DLG2: variants seen among roughly 807,000 people sequenced by gnomAD.
DLG2 encodes the protein disks large homolog 2.
Under a neutral mutation model 132.5 loss-of-function variants are expected in DLG2, and 45 were observed. The observed-to-expected ratio is 0.34, with a 90% CI of 0.27 to 0.44. The LOEUF is 0.44. Among genes scored for constraint, DLG2 ranks in the 20% least tolerant of loss-of-function variants. The pLI is 1.00. For synonymous variants in DLG2, 424 were observed against 419.6 expected (o/e 1.01, Z -0.13); for missense variants, 1,045 against 1,196.9 (o/e 0.87, Z 1.87).
At chr11:84,418,617 C>T (rs2098937957) in intron 7 of DLG2, among the ~76,000 whole-genome samples, 1 of 152,058 alleles carries the variant, frequency 6.6e-6, no homozygotes, top group Non-Finnish European at 1.5e-5. Flanking sequence ...TTAGTTATAC[C>T]ATGTCTACCT....
At chr11:84,880,580 G>A (rs2087155681) in intron 6 of DLG2, among the ~76,000 whole-genome samples, 2 of 152,102 alleles carry the variant, frequency 1.3e-5, no homozygotes, top group Non-Finnish European at 2.9e-5. Flanking sequence ...TACAGATGAT[G>A]AAGATTCTTT....
chr11:84,492,741 C>A (rs994958114), intron 7 of DLG2, among the ~76,000 whole-genome samples: 2 of 152,040 alleles, frequency 1.3e-5, no homozygotes, highest in Non-Finnish European at 2.9e-5. Context: ...ATTATTATGT[C>A]ATCTTTATGA....
At chr11:85,389,953 G>A (rs1770190088) in intron 3 of DLG2, among the ~76,000 whole-genome samples, 1 of 151,468 alleles carries the variant, frequency 6.6e-6, no homozygotes, top group African/African-American at 2.4e-5. Context: ...ACAACACAAT[G>A]AAAAAAGTAC....
intron 3 of DLG2, among the ~76,000 whole-genome samples, chr11:85,528,907 C>A (rs911779156): frequency 6.6e-6 from 1 of 152,066 alleles, no homozygotes; most frequent in Non-Finnish European, 1.5e-5. Flanking sequence ...CAGAGGTGTG[C>A]CTATACAACA....
intron 6 of DLG2, among the ~76,000 whole-genome samples, chr11:84,894,729 G>A (rs761038547): frequency 2.6e-5 from 4 of 152,128 alleles, no homozygotes; most frequent in Non-Finnish European, 5.9e-5. Flanking sequence ...CATGGATCAG[G>A]CAAGGATCAC....
At chr11:84,206,860 CCAAATCTAAAACAAA>C (rs1282080963) in intron 8 of DLG2, among the ~76,000 whole-genome samples, 1 of 151,840 alleles carries the variant, frequency 6.6e-6, no homozygotes, top group African/African-American at 2.4e-5. Context: ...GAAACCTCCC[CCAAATCTAAAACAAA>C]CAAATACCAA....
intron 21 of DLG2, among the ~76,000 whole-genome samples, chr11:83,513,780 T>C (rs540151173): frequency 2.0e-5 from 3 of 152,238 alleles, no homozygotes; most frequent in Non-Finnish European, 4.4e-5. Context: ...ATTTATTAAA[T>C]AGGGAATCCT....
intron 6 of DLG2, among the ~76,000 whole-genome samples, chr11:85,079,022 A>AGG (rs11321504): frequency 6.7e-6 from 1 of 150,044 alleles, no homozygotes; most frequent in African/African-American, 2.5e-5. Context: ...TATGTGTTTT[A>AGG]GGGGGGGGGT....
intron 6 of DLG2, among the ~76,000 whole-genome samples, chr11:84,828,068 T>C (rs746720798): frequency 6.6e-6 from 1 of 151,814 alleles, no homozygotes. Context: ...ACTTTTGACA[T>C]GGCGGTGGAA....
intron 6 of DLG2, among the ~76,000 whole-genome samples, chr11:84,940,070 C>G (rs539653485): frequency 6.6e-6 from 1 of 152,326 alleles, no homozygotes; most frequent in East Asian, 1.9e-4. Flanking sequence ...CTTTTCTTCA[C>G]ATCCTTGCCA....
chr11:84,442,706 A>AAAAGAAAGAAAGAAAGAAAG (rs56224511), intron 7 of DLG2, among the ~76,000 whole-genome samples: 62 of 148,980 alleles, frequency 4.2e-4, no homozygotes, highest in African/African-American at 1.5e-3. Flanking sequence ...TAATTAAAAA[A>AAAAGAAAGAAAGAAAGAAAG]AAAGAAAGAA....
At chr11:84,577,332 T>C (rs192308595) in intron 6 of DLG2, among the ~76,000 whole-genome samples, 7 of 152,022 alleles carry the variant, frequency 4.6e-5, no homozygotes, top group African/African-American at 1.7e-4. Context: ...CAGGCAGAGG[T>C]TGGAACAGTT....
chr11:84,101,978 A>G (rs1487144521), intron 9 of DLG2, among the ~76,000 whole-genome samples: 1 of 152,162 alleles, frequency 6.6e-6, no homozygotes, highest in African/African-American at 2.4e-5. Flanking sequence ...CAATGAAGTG[A>G]ACTGCAGGCT....
chr11:85,453,833 T>G (rs1310415229), intron 3 of DLG2: 1 of 152,144 alleles, frequency 6.6e-6, no homozygotes, highest in Admixed American at 6.6e-5. Context: ...AATTGTTGTA[T>G]AGGTAAACTG....
At chr11:84,083,105 C>A (rs1036944915) in intron 10 of DLG2, among the ~76,000 whole-genome samples, 3 of 151,994 alleles carry the variant, frequency 2.0e-5, no homozygotes, top group Non-Finnish European at 4.4e-5. Flanking sequence ...CATGGTAAAA[C>A]CCCATCTCTA....
intron 9 of DLG2, among the ~76,000 whole-genome samples, chr11:84,131,667 CA>C (rs1479674193): frequency 6.6e-6 from 1 of 151,752 alleles, no homozygotes; most frequent in African/African-American, 2.4e-5. Flanking sequence ...GTTGTAATCA[CA>C]ATGGGCCTTA....
rs1424608018 is a variant in DLG2 at position 84,094,288 on chromosome 11, G to C, written c.749+4635C>G. 2.0e-5 allele frequency among the ~76,000 whole-genome samples: 3 copies of C among 152,076 alleles called. No individual in the cohort carries two copies. The East Asian group carries it at 5.8e-4, about 29-fold the overall frequency. ...TTGAGTCATTTAACACTTTAAATGA[G>C]CTAATGTGCCAGAAAATGACTTGGC... On this transcript the variant is annotated intron_variant, in intron 10 of 27. Transcript: ENST00000376104.
chr11:83,471,548 T>C (rs1591397271), intron 24 of DLG2, 78 bp downstream of exon 24: 1 of 1,037,644 alleles, frequency 9.6e-7, no homozygotes, highest in East Asian at 2.4e-5. Flanking sequence ...TACTGGAGGA[T>C]GGAATTACAT....
intron 6 of DLG2, among the ~76,000 whole-genome samples, chr11:84,615,993 A>G (rs886262458): frequency 1.3e-5 from 2 of 152,004 alleles, no homozygotes; most frequent in African/African-American, 4.8e-5. Context: ...TTTACCATTC[A>G]GTGATCAAGA....
Sources: gnomAD v4.1 joint callset for allele counts (sites outside exome capture counted in the v4.1 genomes callset) on GRCh38, gnomAD v4.1.1 for gene constraint, MANE v1.5 for transcripts, NCBI Gene and HGNC (gene_info 2026-07-23, HGNC 2026-07-21) for gene names.